PROX1: variants seen among roughly 807,000 people sequenced by gnomAD.
PROX1 encodes prospero homeobox 1.
Under a neutral mutation model 58.8 loss-of-function variants are expected in PROX1, and 7 were observed. The ratio of observed to expected loss-of-function variants is 0.12; its 90% CI spans 0.07 to 0.22. PROX1 has a LOEUF of 0.22. Ranked by LOEUF, PROX1 falls within the 10% of genes least tolerant of loss-of-function variation. The pLI, the probability that PROX1 is intolerant of heterozygous loss-of-function variation, is 1.00. For missense variants in PROX1, 675 were observed against 927.8 expected, an observed-to-expected ratio of 0.73 and a Z score of 3.54; for synonymous variants, 350 against 358.3, an observed-to-expected ratio of 0.98 and a Z score of 0.26.
At chr1:213,986,169 A>C (rs909479824), upstream of PROX1, 1 of 151,958 alleles carries the variant, frequency 6.6e-6, no homozygotes, top group Non-Finnish European at 1.5e-5. Context: ...CCCGGTTAGA[A>C]CACCTGATAC....
upstream of PROX1, chr1:213,985,098 T>TGGG (rs1296893777): frequency 6.6e-6 from 1 of 151,726 alleles, no homozygotes; most frequent in African/African-American, 2.4e-5. Flanking sequence ...ACGGATAGAG[T>TGGG]GTGTTACAAG....
chr1:214,032,456 G>A (rs992256882), intron 4 of PROX1, among the ~76,000 whole-genome samples: 1 of 151,110 alleles, frequency 6.6e-6, no homozygotes, highest in Non-Finnish European at 1.5e-5. Context: ...GTGCAATGGT[G>A]CAACCTCAGC....
At chr1:213,993,184 A>C (rs926700193) in intron 1 of PROX1, among the ~76,000 whole-genome samples, 2 of 152,208 alleles carry the variant, frequency 1.3e-5, no homozygotes, top group African/African-American at 4.8e-5. Context: ...CATTAATTAA[A>C]GAGGGGTTTA....
At chr1:214,028,195 A>T in intron 4 of PROX1, among the ~76,000 whole-genome samples, 1 of 152,134 alleles carries the variant, frequency 6.6e-6, no homozygotes. Flanking sequence ...AGGCACCCGA[A>T]AGCAACTTCA....
intron 2 of PROX1, among the ~76,000 whole-genome samples, chr1:213,999,511 GGT>G (rs1378844613): frequency 1.3e-5 from 2 of 152,184 alleles, no homozygotes; most frequent in Non-Finnish European, 2.9e-5. Flanking sequence ...GGTTAGTGGA[GGT>G]CGTACTTCAA....
chr1:213,990,249 T>A (rs1662979663), intron 1 of PROX1, among the ~76,000 whole-genome samples: 1 of 151,758 alleles, frequency 6.6e-6, no homozygotes, highest in African/African-American at 2.4e-5. Context: ...ACAGGTGTGT[T>A]GTGTCAAGAA....
At chr1:213,992,693 C>A (rs1245196139) in intron 1 of PROX1, among the ~76,000 whole-genome samples, 1 of 152,142 alleles carries the variant, frequency 6.6e-6, no homozygotes, top group African/African-American at 2.4e-5. Context: ...ACCATGCCAA[C>A]CTTACACTCT....
intron 4 of PROX1, among the ~76,000 whole-genome samples, chr1:214,033,497 C>CTA (rs1366044200): frequency 6.6e-6 from 1 of 152,186 alleles, no homozygotes; most frequent in East Asian, 1.9e-4. Flanking sequence ...ACTCAGGAGG[C>CTA]TAAGGCAGGA....
chr1:214,026,574 T>C (rs752296003), intron 4 of PROX1, among the ~76,000 whole-genome samples: 4 of 152,350 alleles, frequency 2.6e-5, no homozygotes, highest in African/African-American at 4.8e-5. Context: ...TTATTCGAAA[T>C]GCTCAAATCT....
intron 1 of PROX1, among the ~76,000 whole-genome samples, chr1:213,995,463 G>GT (rs58470774): frequency 0.059 from 8,661 of 145,590 alleles, 327 homozygotes; most frequent in African/African-American, 0.11. Context: ...AGTTTTTTCT[G>GT]TTTTTTTTTT....
chr1:213,993,639 G>A (rs889575081), intron 1 of PROX1, among the ~76,000 whole-genome samples: 5 of 152,126 alleles, frequency 3.3e-5, no homozygotes, highest in Non-Finnish European at 7.4e-5. Context: ...ATTTAATCAT[G>A]CCTATAGCTT....
intron 4 of PROX1, among the ~76,000 whole-genome samples, chr1:214,024,534 G>A (rs943207068): frequency 1.3e-5 from 2 of 152,082 alleles, no homozygotes; most frequent in Non-Finnish European, 1.5e-5. Context: ...TATCACAAGC[G>A]CTTTCTTTGG....
chr1:214,004,582 AG>A (rs1373673577), intron 2 of PROX1, among the ~76,000 whole-genome samples: 2 of 152,230 alleles, frequency 1.3e-5, no homozygotes, highest in African/African-American at 4.8e-5. Flanking sequence ...ATTATTTAAA[AG>A]GAAAAACAAT....
intron 4 of PROX1, among the ~76,000 whole-genome samples, chr1:214,018,854 C>G (rs997301525): frequency 2.0e-4 from 31 of 152,076 alleles, no homozygotes; most frequent in African/African-American, 7.0e-4. Context: ...TAAAGAGAAC[C>G]TGTATATGGA....
intron 4 of PROX1, among the ~76,000 whole-genome samples, chr1:214,018,696 C>T (rs1057446209): frequency 2.0e-5 from 3 of 152,160 alleles, no homozygotes; most frequent in Non-Finnish European, 4.4e-5. Flanking sequence ...TTCATGACAA[C>T]TTCAAGGCTG....
chr1:214,034,562 G>A (rs1664768487), intron 4 of PROX1, among the ~76,000 whole-genome samples: 1 of 152,120 alleles, frequency 6.6e-6, no homozygotes, highest in African/African-American at 2.4e-5. Context: ...ATGTTGGTGT[G>A]GGGATAGATA....
intron 2 of PROX1, among the ~76,000 whole-genome samples, chr1:213,999,331 T>C (rs1663406754): frequency 6.6e-6 from 1 of 152,198 alleles, no homozygotes; most frequent in Admixed American, 6.5e-5. Flanking sequence ...ATGTTTCTTA[T>C]ATAATAAACA....
chr1:214,029,316 TG>T (rs1664566774), intron 4 of PROX1: 1 of 152,192 alleles, frequency 6.6e-6, no homozygotes, highest in African/African-American at 2.4e-5. Flanking sequence ...TATGTATGAT[TG>T]GTACATCATT....
intron 4 of PROX1, among the ~76,000 whole-genome samples, chr1:214,015,553 A>C (rs1664063201): frequency 6.6e-6 from 1 of 152,084 alleles, no homozygotes; most frequent in African/African-American, 2.4e-5. Flanking sequence ...CAACTGTGGC[A>C]GGAAAAGAAG....
Sources: allele counts gnomAD v4.1 joint callset (sites outside exome capture counted in the v4.1 genomes callset), GRCh38; gene constraint gnomAD v4.1.1; transcripts MANE v1.5; gene names NCBI Gene and HGNC (gene_info 2026-07-23, HGNC 2026-07-21).